The following TSC2 variants were observed in gnomAD, a reference collection of about 807,000 sequenced individuals.
TSC2 encodes tuberin.
In TSC2, 29 loss-of-function variants were observed where a neutral mutation model predicts 202.2. The ratio of observed to expected loss-of-function variants is 0.14; its 90% CI spans 0.11 to 0.20. The LOEUF (loss-of-function observed/expected upper bound fraction) is 0.20. TSC2 is among the 10% of genes least tolerant of loss of function. The pLI, the probability that TSC2 is intolerant of heterozygous loss-of-function variation, is 1.00. For missense variants in TSC2, 2,429 were observed against 2,420.0 expected (o/e 1.00, Z -0.08); for synonymous variants, 1,349 against 1,044.0 (o/e 1.29, Z -5.63).
At position 2,076,488 on chromosome 16, in the gene TSC2, C is replaced by A. The variant is rs45517264; in HGVS notation, c.2743-3C>A. The A allele has an allele frequency of 5.8e-4, 929 of 1,613,234 alleles. 1 individual carries two copies. The highest frequency in any genetic ancestry group is 7.2e-4 in the Non-Finnish European group (855 of 1,179,990). ...CACTGTCTGGGTGTGCTCACTCTGC[C>A]AGGGCCTGCGGTCCAATGTCCTCTT... On this transcript the variant is annotated splice_polypyrimidine_tract_variant and splice_region_variant and intron_variant, in intron 24 of 41. Transcript: ENST00000219476.
chr16:2,075,506 G>T (rs1356624939), intron 22 of TSC2, among the ~76,000 whole-genome samples: 1 of 123,104 alleles, frequency 8.1e-6, no homozygotes, highest in Admixed American at 1.0e-4. Flanking sequence ...CAGCCTGGGC[G>T]ACAGAGCCAG....
chr16:2,074,156 T>C, intron 21 of TSC2, 44 bp from the exon 22 acceptor site: 1 of 1,608,274 alleles, frequency 6.2e-7, no homozygotes, highest in Non-Finnish European at 8.5e-7. Context: ...CGAGGCTGCC[T>C]CTGCTGCAAG....
At chr16:2,048,337 A>C in intron 1 of TSC2, 1 of 915,162 alleles carries the variant, frequency 1.1e-6, no homozygotes, top group East Asian at 2.6e-5. Context: ...TAACCCGTGC[A>C]CTGAGTCGGG....
Position 2,057,243 on chromosome 16 carries a change from T to C in TSC2, c.848+65T>C, listed in dbSNP as rs1019360006. 18 of 1,536,696 alleles carry C rather than the reference T, an allele frequency of 1.2e-5. 1 individual carries two copies. The African/African-American group carries it at 2.3e-4, about 20-fold the overall frequency. ...CACAGCCCTCGGGGCAGCTCCAGTG[T>C]CCCTTGCCAAGCACACACTGGCTTA... is the stretch of plus-strand genomic sequence containing the variant. On this transcript the variant is annotated intron_variant, in intron 9 of 41. Coordinates refer to ENST00000219476, the MANE Select transcript of TSC2 (RefSeq NM_000548.5).
rs137854338 is a variant in TSC2 at position 2,088,026 on chromosome 16, C to T, written c.5069-22C>T. 3.7e-5 allele frequency: 59 copies of T among 1,612,696 alleles called. No individual in the cohort carries two copies. In the East Asian group the frequency reaches 5.1e-4, roughly 14 times the overall value. On this transcript the variant is annotated intron_variant, in intron 39 of 41. Coordinates refer to ENST00000219476, the MANE Select transcript of TSC2 (RefSeq NM_000548.5). ...GTGGCGCCAAGAGCCCTGGGCCTGG[C>T]GTGACCACCAAGTCTCCCCAGACAT...
intron 26 of TSC2, 66 bp downstream of exon 26, chr16:2,077,792 G>T: frequency 6.2e-7 from 1 of 1,602,542 alleles, no homozygotes; most frequent in Non-Finnish European, 8.5e-7. Context: ...CTGGGTGGCA[G>T]TGCATGGGGC....
intron 16 of TSC2, among the ~76,000 whole-genome samples, chr16:2,069,516 G>A (rs1247379764): frequency 6.8e-6 from 1 of 146,826 alleles, no homozygotes; most frequent in Non-Finnish European, 1.5e-5. Context: ...GTCTTGCTCT[G>A]TCGCCCAGGC....
intron 9 of TSC2, 23 bp from the exon 10 acceptor site, chr16:2,058,724 G>T: frequency 1.9e-6 from 3 of 1,567,828 alleles, no homozygotes; most frequent in East Asian, 2.3e-5. Context: ...CTCACATTCC[G>T]TCTCTCTGGG....
chr16:2,080,914 G>A (rs2090066320), intron 30 of TSC2: 3 of 168,498 alleles, frequency 1.8e-5, no homozygotes, highest in Admixed American at 5.5e-5. Context: ...CCTGGAGGCT[G>A]CAAGTCCGAG....
chr16:2,048,008 A>C lies in TSC2; in HGVS notation c.-87A>C, dbSNP rs886051785. 3.4e-5 allele frequency: 50 copies of C among 1,485,870 alleles called. No individual in the cohort carries two copies. The highest frequency in any genetic ancestry group is 4.3e-5 in the Non-Finnish European group (48 of 1,121,262). The allele number at this position is 1,485,870 out of a possible 1,614,324, so 92.0% of individuals were successfully genotyped here. A position where few individuals can be genotyped will look rare whatever the true frequency, so the allele number is the denominator to read the frequency against. On this transcript the variant is annotated 5_prime_UTR_variant, in exon 1 of 42. Transcript: ENST00000219476. The stretch of plus-strand genomic sequence containing the variant: ...GCGCTTCCGGCGGCGTCCCGGGGCC[A>C]GGGGGGTGCGCCTTTCTCCGCGTCG...
chr16:2,082,164 C>A, intron 31 of TSC2: 1 of 595,232 alleles, frequency 1.7e-6, no homozygotes, highest in Non-Finnish European at 3.0e-6. Flanking sequence ...CCACCCCACT[C>A]GGCACCGTGC....
At position 2,086,843 on chromosome 16, in the gene TSC2, G is replaced by A. The variant is rs1555438692; in HGVS notation, c.4961G>A (p.Gly1654Asp). 1 of 1,603,310 alleles carries A rather than the reference G, an allele frequency of 6.2e-7. No individual in the cohort carries two copies. The highest frequency in any genetic ancestry group is 8.5e-7 in the Non-Finnish European group (1 of 1,175,750). The change falls in exon 38 of 42, where the codon GGT becomes GAT. Residue 1654 changes from glycine to aspartate, a missense_variant. By Grantham distance (94) the Gly-to-Asp change is moderately conservative (BLOSUM62 -1). Transcript: ENST00000219476. ...DFVSIVYNDS[G>D]EDFKLGTIKG... ...GTGTCCATTGTCTACAATGACTCCG[G>A]TGAGGACTTCAAGCTTGGCACCATC...
intron 4 of TSC2, chr16:2,054,004 C>G: frequency 2.0e-6 from 1 of 504,428 alleles, no homozygotes; most frequent in Non-Finnish European, 3.6e-6. Flanking sequence ...TGCCCTGCAC[C>G]GAGTGCAGGG....
chr16:2,074,487 C>T (rs917275942), intron 22 of TSC2, 98 bp downstream of exon 22: 2 of 1,470,600 alleles, frequency 1.4e-6, no homozygotes, highest in South Asian at 2.4e-5. Context: ...CCTTGGGGAA[C>T]CTGGGTGTCT....
At chr16:2,050,934 A>G (rs2085032785) in intron 3 of TSC2, among the ~76,000 whole-genome samples, 1 of 152,048 alleles carries the variant, frequency 6.6e-6, no homozygotes, top group Admixed American at 6.6e-5. Flanking sequence ...AGTGATGGGG[A>G]AGCTACTGGA....
At chr16:2,080,583 A>G (rs976597713) in intron 30 of TSC2, 7 of 623,988 alleles carry the variant, frequency 1.1e-5, no homozygotes, top group South Asian at 2.0e-5. Context: ...TCCCGGGTTC[A>G]CGCCATTCTC....
chr16:2,062,792 C>G, intron 13 of TSC2, 180 bp from the exon 14 acceptor site: 1 of 893,070 alleles, frequency 1.1e-6, no homozygotes, highest in Non-Finnish European at 1.7e-6. Flanking sequence ...CATGACGCCA[C>G]TGGGCTCCCT....
In TSC2 at chr16:2,053,337, G is replaced by T. The variant is rs1596258779; in HGVS notation, c.226-5G>T. ...CCTCACCGCTGTCCCCTCTGCTGGT[G>T]ACAGCACGCAGTGGAAGCACTCTGG... is the stretch of plus-strand genomic sequence containing the variant. On this transcript the variant is annotated splice_region_variant and splice_polypyrimidine_tract_variant and intron_variant, in intron 3 of 41. Transcript: ENST00000219476. 1 of 1,574,926 alleles carries T rather than the reference G, an allele frequency of 6.3e-7. No homozygotes were observed. The highest frequency in any genetic ancestry group is 1.2e-5 in the South Asian group (1 of 85,560).
Position 2,086,076 on chromosome 16 carries a change from G to C in TSC2, c.4663-117G>C, listed in dbSNP as rs1056157864. On this transcript the variant is annotated intron_variant, in intron 36 of 41. Transcript: ENST00000219476. ...GGTGGCTGCTGGAATGGATGGTCTT[G>C]TCTGCCTCAGGGATCAGAGTGGGGC... is the stretch of plus-strand genomic sequence containing the variant. 14 of 1,219,030 alleles carry C rather than the reference G, an allele frequency of 1.1e-5. No homozygotes were observed. In the African/African-American group the frequency reaches 1.5e-4, roughly 13 times the overall value. 75.5% of individuals were successfully genotyped at this position (1,219,030 alleles called of 1,614,324 possible). A position where few individuals can be genotyped will look rare whatever the true frequency, so the allele number is the denominator to read the frequency against.
Sources: allele counts gnomAD v4.1 joint callset (sites outside exome capture counted in the v4.1 genomes callset), GRCh38; gene constraint gnomAD v4.1.1; transcripts MANE v1.5; gene names NCBI Gene and HGNC (gene_info 2026-07-23, HGNC 2026-07-21).